AKT3: variants seen among roughly 807,000 people sequenced by gnomAD.
AKT3 encodes the protein AKT serine/threonine kinase 3.
A neutral mutation model predicts 65.3 loss-of-function variants in AKT3; 15 were observed. The ratio of observed to expected loss-of-function variants is 0.23; its 90% confidence interval spans 0.15 to 0.35. The LOEUF (loss-of-function observed/expected upper bound fraction) is 0.35. Among genes scored for constraint, AKT3 ranks in the 10% least tolerant of loss-of-function variants. The pLI is 1.00. For synonymous variants in AKT3, 206 were observed against 183.8 expected, an observed-to-expected ratio of 1.12 and a Z score of -0.98; for missense variants, 243 against 576.5, an observed-to-expected ratio of 0.42 and a Z score of 5.92.
At chr1:243,762,656 G>C (rs1295931663) in intron 2 of AKT3, among the ~76,000 whole-genome samples, 1 of 151,978 alleles carries the variant, frequency 6.6e-6, no homozygotes, top group Non-Finnish European at 1.5e-5. Context: ...ATTGACCTAA[G>C]CACATCTGGC....
At chr1:243,649,940 T>G (rs1015380205) in intron 4 of AKT3, among the ~76,000 whole-genome samples, 4 of 152,164 alleles carry the variant, frequency 2.6e-5, no homozygotes, top group Admixed American at 2.6e-4. Flanking sequence ...CTAATGGGAT[T>G]GCTAGGTCAA....
intron 3 of AKT3, among the ~76,000 whole-genome samples, chr1:243,686,652 T>TATATATATATATATATATA (rs373666457): frequency 0.014 from 177 of 12,580 alleles, 6 homozygotes; most frequent in Non-Finnish European, 0.018. Context: ...TATATATATA[T>TATATATATATATATATATA]TTTTTTTTTT....
rs1480527945 is a variant in AKT3, at chr1:243,505,073, T to A, written c.*176A>T. ...ATGCAAAAACAAAAACTGGAGTGTA[T>A]TTGCGTGTATGTGTGTTTTCATGAG... On this transcript the variant is annotated 3_prime_UTR_variant, in exon 14 of 14. Transcript: ENST00000673466. 10 of 584,634 alleles carry A rather than the reference T, an allele frequency of 1.7e-5. No homozygotes were observed. The Admixed American group carries it at 3.1e-4, about 18-fold the overall frequency. The allele number at this position is 584,634 out of a possible 1,614,324, so 36.2% of individuals were successfully genotyped here. A position where few individuals can be genotyped will look rare whatever the true frequency, so the allele number is the denominator to read the frequency against.
At chr1:243,516,508 T>C (rs1670364411) in intron 12 of AKT3, among the ~76,000 whole-genome samples, 1 of 152,218 alleles carries the variant, frequency 6.6e-6, no homozygotes, top group Non-Finnish European at 1.5e-5. Context: ...TCCTTTGTTC[T>C]GCTTACACTG....
At chr1:243,541,116 A>G (rs1672287552) in intron 12 of AKT3, among the ~76,000 whole-genome samples, 1 of 152,130 alleles carries the variant, frequency 6.6e-6, no homozygotes, top group African/African-American at 2.4e-5. Flanking sequence ...CCTCTTTCCT[A>G]AACTTTTGCT....
intron 2 of AKT3, chr1:243,735,597 T>C (rs1243302060): frequency 6.6e-6 from 1 of 152,226 alleles, no homozygotes; most frequent in Non-Finnish European, 1.5e-5. Flanking sequence ...TAGAGACTAC[T>C]GTAACATACC....
intron 6 of AKT3, among the ~76,000 whole-genome samples, chr1:243,621,330 C>T (rs1678733493): frequency 6.6e-6 from 1 of 152,182 alleles, no homozygotes; most frequent in African/African-American, 2.4e-5. Flanking sequence ...TTTGATCACT[C>T]CTTCCTCCTG....
chr1:243,673,707 G>C (rs1201971890), intron 3 of AKT3, among the ~76,000 whole-genome samples: 2 of 147,862 alleles, frequency 1.4e-5, no homozygotes, highest in South Asian at 4.3e-4. Context: ...TCCGCCTCCC[G>C]GGTTTCAAGC....
intron 5 of AKT3, among the ~76,000 whole-genome samples, chr1:243,645,507 G>A (rs887815490): frequency 6.6e-5 from 10 of 152,138 alleles, no homozygotes; most frequent in African/African-American, 2.4e-5. Context: ...AAGTACATCC[G>A]AGCCATTACT....
chr1:243,776,019 G>C (rs1690521343), intron 2 of AKT3, among the ~76,000 whole-genome samples: 1 of 152,160 alleles, frequency 6.6e-6, no homozygotes, highest in Admixed American at 6.5e-5. Context: ...CCATAAACCT[G>C]AGGTTGACAA....
intron 2 of AKT3, among the ~76,000 whole-genome samples, chr1:243,743,365 CTGTT>C (rs1688283826): frequency 6.6e-6 from 1 of 152,312 alleles, no homozygotes; most frequent in Admixed American, 6.5e-5. Flanking sequence ...GGAAAAACCA[CTGTT>C]TGTTTAAAAC....
At chr1:243,758,808 T>C (rs1259653316) in intron 2 of AKT3, among the ~76,000 whole-genome samples, 2 of 152,162 alleles carry the variant, frequency 1.3e-5, no homozygotes, top group South Asian at 4.1e-4. Flanking sequence ...TAGGTGGTAA[T>C]GCTCGCTCAC....
intron 2 of AKT3, among the ~76,000 whole-genome samples, chr1:243,797,925 C>T (rs1235444162): frequency 6.7e-6 from 1 of 148,898 alleles, no homozygotes; most frequent in Non-Finnish European, 1.5e-5. Context: ...CTCTGTCACC[C>T]AGGCTGGAGT....
At chr1:243,817,318 C>T (rs1693589299) in intron 2 of AKT3, among the ~76,000 whole-genome samples, 1 of 152,214 alleles carries the variant, frequency 6.6e-6, no homozygotes, top group Non-Finnish European at 1.5e-5. Context: ...TAGTCCATTA[C>T]ACAGCATTGG....
At chr1:243,530,209 G>A (rs1348732970) in intron 12 of AKT3, among the ~76,000 whole-genome samples, 1 of 151,958 alleles carries the variant, frequency 6.6e-6, no homozygotes, top group Non-Finnish European at 1.5e-5. Context: ...TTGGATTGTA[G>A]AGCTTTTGGG....
At chr1:243,613,220 T>C (rs761496659) in intron 8 of AKT3, among the ~76,000 whole-genome samples, 3 of 150,234 alleles carry the variant, frequency 2.0e-5, no homozygotes, top group Non-Finnish European at 3.0e-5. Flanking sequence ...TATATAGTCA[T>C]AGTACTCTAC....
intron 2 of AKT3, among the ~76,000 whole-genome samples, chr1:243,795,906 C>CA (rs1170571566): frequency 1.3e-5 from 2 of 152,162 alleles, no homozygotes; most frequent in Non-Finnish European, 2.9e-5. Context: ...CTCACCCATC[C>CA]ACAAGGGCAC....
chr1:243,849,863 G>C (rs1195685591), intron 1 of AKT3, among the ~76,000 whole-genome samples, 177 bp downstream of exon 1: 8 of 151,696 alleles, frequency 5.3e-5, no homozygotes, highest in African/African-American at 1.9e-4. Context: ...GAAGCCTCCG[G>C]TGACCCAGCC....
intron 11 of AKT3, chr1:243,547,884 CCA>C (rs1672785174): frequency 6.6e-6 from 1 of 152,146 alleles, no homozygotes; most frequent in Non-Finnish European, 1.5e-5. Flanking sequence ...GAACTATACC[CCA>C]GAGATGGCAC....
Sources: allele counts gnomAD v4.1 joint callset (sites outside exome capture counted in the v4.1 genomes callset), GRCh38; gene constraint gnomAD v4.1.1; transcripts MANE v1.5; gene names NCBI Gene and HGNC (gene_info 2026-07-23, HGNC 2026-07-21).